SEMA5A: variants seen among roughly 807,000 people sequenced by gnomAD.
SEMA5A encodes semaphorin 5A.
In SEMA5A, 55 loss-of-function variants were observed where a neutral mutation model predicts 135.5. The ratio of observed to expected loss-of-function variants is 0.41; its 90% confidence interval spans 0.33 to 0.51. SEMA5A has a LOEUF of 0.51. Ranked by LOEUF, SEMA5A falls within the 20% of genes least tolerant of loss-of-function variation. The probability of loss-of-function intolerance (pLI) is 0.37; values close to 1 mark genes in which losing one functional copy is unlikely to be tolerated. For missense variants in SEMA5A, 1,290 were observed against 1,419.9 expected (o/e 0.91, Z 1.47); for synonymous variants, 580 against 546.5 (o/e 1.06, Z -0.85).
intron 4 of SEMA5A, among the ~76,000 whole-genome samples, chr5:9,336,391 GT>G (rs1753393203): frequency 6.6e-6 from 1 of 152,152 alleles, no homozygotes; most frequent in African/African-American, 2.4e-5. Flanking sequence ...GATGTTGGCT[GT>G]GGTATGCAGA....
intron 3 of SEMA5A, among the ~76,000 whole-genome samples, chr5:9,343,302 C>T (rs1205726): frequency 0.66 from 99,920 of 151,928 alleles, 33,883 homozygotes; most frequent in South Asian, 0.76. Context: ...GAAATCAGAA[C>T]GTAGGAATGA....
intron 21 of SEMA5A, among the ~76,000 whole-genome samples, chr5:9,049,600 C>A (rs989974885): frequency 6.6e-6 from 1 of 152,176 alleles, no homozygotes; most frequent in South Asian, 2.1e-4. Flanking sequence ...CTCTGAGACA[C>A]CCTGTGGAAC....
At chr5:9,160,426 T>C (rs1423471371) in intron 11 of SEMA5A, among the ~76,000 whole-genome samples, 1 of 152,162 alleles carries the variant, frequency 6.6e-6, no homozygotes, top group Non-Finnish European at 1.5e-5. Flanking sequence ...AAAGTTCACA[T>C]AACTATAGAT....
chr5:9,087,147 T>C (rs1363414509), intron 16 of SEMA5A, among the ~76,000 whole-genome samples: 1 of 152,200 alleles, frequency 6.6e-6, no homozygotes, highest in Non-Finnish European at 1.5e-5. Flanking sequence ...CAGGTATGGG[T>C]CAGCAATATC....
intron 11 of SEMA5A, among the ~76,000 whole-genome samples, chr5:9,182,762 T>C (rs1402503528): frequency 6.6e-6 from 1 of 151,658 alleles, no homozygotes; most frequent in Non-Finnish European, 1.5e-5. Flanking sequence ...AGCAATACAG[T>C]ACTGTTGGTT....
At chr5:9,095,165 A>G (rs1739247881) in intron 16 of SEMA5A, among the ~76,000 whole-genome samples, 1 of 152,270 alleles carries the variant, frequency 6.6e-6, no homozygotes, top group Middle Eastern at 3.4e-3. Context: ...CAAACACTAC[A>G]TGTTCTCACT....
intron 1 of SEMA5A, among the ~76,000 whole-genome samples, chr5:9,486,816 T>C (rs1192431658): frequency 6.6e-6 from 1 of 152,048 alleles, no homozygotes; most frequent in Non-Finnish European, 1.5e-5. Flanking sequence ...GTAGAAAACT[T>C]TACCTATGAT....
chr5:9,228,170 G>A (rs893228904), intron 6 of SEMA5A, among the ~76,000 whole-genome samples: 20 of 152,170 alleles, frequency 1.3e-4, no homozygotes, highest in African/African-American at 4.8e-4. Context: ...TCCATGCACT[G>A]TAATGAGGAC....
chr5:9,088,516 G>T (rs1040495080), intron 16 of SEMA5A, among the ~76,000 whole-genome samples: 1 of 150,208 alleles, frequency 6.7e-6, no homozygotes, highest in Admixed American at 6.6e-5. Context: ...ACACCCTGAA[G>T]TTTTCTAATC....
chr5:9,154,418 C>T, intron 12 of SEMA5A, 70 bp downstream of exon 12: 1 of 1,473,574 alleles, frequency 6.8e-7, no homozygotes. Flanking sequence ...GCATCTGAAG[C>T]CTCCCTGGCT....
At chr5:9,343,796 G>A (rs1450721626) in intron 3 of SEMA5A, among the ~76,000 whole-genome samples, 1 of 152,066 alleles carries the variant, frequency 6.6e-6, no homozygotes, top group East Asian at 1.9e-4. Context: ...CCTTTCCTTT[G>A]CAGTTTGCGT....
At chr5:9,061,305 A>G (rs560609207) in intron 18 of SEMA5A, among the ~76,000 whole-genome samples, 1 of 152,318 alleles carries the variant, frequency 6.6e-6, no homozygotes, top group East Asian at 1.9e-4. Context: ...ATGAAGAAAG[A>G]TCAATTAACC....
At chr5:9,529,599 A>C (rs533770707) in intron 1 of SEMA5A, among the ~76,000 whole-genome samples, 1 of 152,370 alleles carries the variant, frequency 6.6e-6, no homozygotes, top group Admixed American at 6.5e-5. Flanking sequence ...TCTGCCAGCC[A>C]ACAGTATTAA....
intron 1 of SEMA5A, among the ~76,000 whole-genome samples, chr5:9,513,889 C>T (rs1280564724): frequency 6.6e-6 from 1 of 152,124 alleles, no homozygotes; most frequent in African/African-American, 2.4e-5. Flanking sequence ...CGTTAGTTTC[C>T]TATGTAACAA....
chr5:9,486,807 T>C (rs1031668573), intron 1 of SEMA5A, among the ~76,000 whole-genome samples: 16 of 151,974 alleles, frequency 1.1e-4, no homozygotes, highest in Non-Finnish European at 2.2e-4. Flanking sequence ...GGGCCAGAGG[T>C]AGAAAACTTT....
rs147917159 is a variant in SEMA5A at position 9,177,964 on chromosome 5, T to C, written c.1273+12303A>G. On this transcript the variant is annotated intron_variant, in intron 11 of 22. Coordinates refer to ENST00000382496, the MANE Select transcript of SEMA5A (RefSeq NM_003966.3). Reference sequence around the variant, plus strand: ...TCCATAAACACCTTGGCAGAACTTATAATAAATTGGAATTTACATGACAGT... The same window carrying C: ...TCCATAAACACCTTGGCAGAACTTACAATAAATTGGAATTTACATGACAGT... Among the ~76,000 whole-genome samples the C allele has an allele frequency of 7.5e-3, 1,149 of 152,334 alleles. 13 individuals carry two copies. The highest frequency in any genetic ancestry group is 0.026 in the African/African-American group (1,077 of 41,556).
intron 5 of SEMA5A, among the ~76,000 whole-genome samples, chr5:9,264,914 A>G (rs1335013798): frequency 1.3e-5 from 2 of 152,190 alleles, no homozygotes; most frequent in African/African-American, 4.8e-5. Context: ...GCAGTGGGGA[A>G]GAATCAAGTT....
chr5:9,334,926 C>A (rs779324914), intron 4 of SEMA5A, among the ~76,000 whole-genome samples: 8 of 152,158 alleles, frequency 5.3e-5, no homozygotes, highest in Non-Finnish European at 7.3e-5. Flanking sequence ...GTTGACTCAG[C>A]GGCCCATCCG....
At chr5:9,466,220 G>C (rs1288319850) in intron 1 of SEMA5A, among the ~76,000 whole-genome samples, 3 of 151,296 alleles carry the variant, frequency 2.0e-5, no homozygotes, top group African/African-American at 7.3e-5. Flanking sequence ...GGACTGTTGT[G>C]GGGTGAGGGG....
Sources: gnomAD v4.1 joint callset for allele counts (sites outside exome capture counted in the v4.1 genomes callset) on GRCh38, gnomAD v4.1.1 for gene constraint, MANE v1.5 for transcripts, NCBI Gene and HGNC (gene_info 2026-07-23, HGNC 2026-07-21) for gene names.